The following RAP1GAP2 variants were observed in gnomAD, a reference collection of about 807,000 sequenced individuals.
The protein encoded by RAP1GAP2 is rap1 GTPase-activating protein 2.
A neutral mutation model predicts 95.0 loss-of-function variants in RAP1GAP2; 27 were observed. The observed-to-expected ratio is 0.28, with a 90% CI of 0.21 to 0.39. The LOEUF is 0.39. RAP1GAP2 is among the 10% of genes least tolerant of loss of function. RAP1GAP2 has a pLI of 1.00. For missense variants in RAP1GAP2, 771 were observed against 970.0 expected (o/e 0.79, Z 2.72); for synonymous variants, 373 against 380.9 (o/e 0.98, Z 0.24).
At position 2,932,816 on chromosome 17, in the gene RAP1GAP2, CAAAAAAAGAA is replaced by C. The variant is rs2043196278; in HGVS notation, c.166-24935_166-24926del. Among the ~76,000 whole-genome samples the C allele has an allele frequency of 9.8e-4, 10 of 10,166 alleles. 1 individual carries two copies. The highest frequency in any genetic ancestry group is 1.7e-3 in the African/African-American group (5 of 3,004). 6.7% of individuals were successfully genotyped at this position (10,166 alleles called of 152,430 possible). A position where few individuals can be genotyped will look rare whatever the true frequency, so the allele number is the denominator to read the frequency against. On this transcript the variant is annotated intron_variant, in intron 3 of 24. Coordinates refer to ENST00000254695, the MANE Select transcript of RAP1GAP2 (RefSeq NM_015085.5). Reference sequence around the variant, plus strand: ...CTGGCAGCAGAGCAAGACTCCATCTCAAAAAAAGAAAAAAAAAAAAAAAAAAAGAGCAGGG... The same window carrying C: ...CTGGCAGCAGAGCAAGACTCCATCTCAAAAAAAAAAAAAAAAAGAGCAGGG...
At chr17:2,773,603 A>G (rs951542956), upstream of RAP1GAP2, among the ~76,000 whole-genome samples, 1 of 152,142 alleles carries the variant, frequency 6.6e-6, no homozygotes, top group African/African-American at 2.4e-5. Context: ...GTACCATTCC[A>G]GCAAGCAAGA....
intron 3 of RAP1GAP2, among the ~76,000 whole-genome samples, chr17:2,920,828 C>T (rs917700045): frequency 5.3e-5 from 8 of 152,218 alleles, no homozygotes; most frequent in Non-Finnish European, 7.3e-5. Context: ...CCACTGAGAC[C>T]GGCTCAGCAG....
intron 1 of RAP1GAP2, among the ~76,000 whole-genome samples, chr17:2,798,506 T>A (rs1257899052): frequency 2.0e-5 from 3 of 152,104 alleles, no homozygotes; most frequent in Non-Finnish European, 4.4e-5. Flanking sequence ...GGGATGGCTG[T>A]CAGCTGGGAG....
intron 17 of RAP1GAP2, among the ~76,000 whole-genome samples, chr17:3,010,253 TCA>T (rs2046476520): frequency 7.3e-6 from 1 of 137,858 alleles, no homozygotes; most frequent in African/African-American, 2.8e-5. Flanking sequence ...GGCAGGAGAA[TCA>T]CGTGAACCCG....
chr17:2,942,888 C>T (rs1440397700), intron 3 of RAP1GAP2, among the ~76,000 whole-genome samples: 4 of 152,098 alleles, frequency 2.6e-5, no homozygotes, highest in Non-Finnish European at 4.4e-5. Context: ...CTGCCTTAGC[C>T]TCCTGAGTAG....
At chr17:2,804,992 G>A (rs995828455) in intron 2 of RAP1GAP2, among the ~76,000 whole-genome samples, 3 of 152,154 alleles carry the variant, frequency 2.0e-5, no homozygotes, top group African/African-American at 7.2e-5. Context: ...GATGGTAGGC[G>A]CTCGCTGTTG....
chr17:2,947,717 C>T (rs1036336670), intron 3 of RAP1GAP2, among the ~76,000 whole-genome samples: 4 of 151,898 alleles, frequency 2.6e-5, no homozygotes, highest in Admixed American at 6.6e-5. Flanking sequence ...GGACCGGTAG[C>T]GGAGTCGGGC....
At position 2,796,642 on chromosome 17, in the gene RAP1GAP2, G is replaced by A. The variant is rs746830296; in HGVS notation, c.44+71G>A. On this transcript the variant is annotated intron_variant, in intron 1 of 24. Transcript: ENST00000254695. The surrounding 1 kb of genome is among the most constrained non-coding windows in gnomAD (Gnocchi z 4.7). ...GAAGTGAAGTCTTGTTAAGTGCATT[G>A]GCGGCCGTGGGAACAGAGGGGCTCG... The A allele has an allele frequency of 1.1e-5, 17 of 1,511,966 alleles. No homozygotes were observed. Among genetic ancestry groups the A allele is most frequent in the African/African-American group, 9.7e-5 (7 of 72,234 alleles). The allele number at this position is 1,511,966 out of a possible 1,614,324, so 93.7% of individuals were successfully genotyped here. A position where few individuals can be genotyped will look rare whatever the true frequency, so the allele number is the denominator to read the frequency against.
chr17:2,792,666 C>T (rs1387411243), upstream of RAP1GAP2, among the ~76,000 whole-genome samples: 2 of 152,352 alleles, frequency 1.3e-5, no homozygotes, highest in South Asian at 2.1e-4. Flanking sequence ...GCTGTGGGTT[C>T]TGCAGGGCCG....
intron 3 of RAP1GAP2, among the ~76,000 whole-genome samples, chr17:2,947,057 A>G (rs752893572): frequency 6.6e-5 from 10 of 152,104 alleles, no homozygotes; most frequent in Non-Finnish European, 1.5e-4. Context: ...GCCCGGCCGG[A>G]AACTGTGTTT....
chr17:2,829,807 T>G (rs534983878), intron 2 of RAP1GAP2, among the ~76,000 whole-genome samples: 1 of 142,816 alleles, frequency 7.0e-6, no homozygotes, highest in African/African-American at 2.7e-5. Flanking sequence ...GCCTGGTCTC[T>G]CTCTCTTAAA....
At position 2,981,370 on chromosome 17, in the gene RAP1GAP2, TC is replaced by T. The variant is rs1162214046; in HGVS notation, c.729+124del. 3 of 879,790 alleles carry T rather than the reference TC, an allele frequency of 3.4e-6. No individual in the cohort carries two copies. The East Asian group carries it at 8.2e-5, about 24-fold the overall frequency. 54.5% of individuals were successfully genotyped at this position (879,790 alleles called of 1,614,324 possible). A position where few individuals can be genotyped will look rare whatever the true frequency, so the allele number is the denominator to read the frequency against. On this transcript the variant is annotated intron_variant, in intron 10 of 24. Coordinates refer to ENST00000254695, the MANE Select transcript of RAP1GAP2 (RefSeq NM_015085.5). ...TTTCGTGGGGTCTCCATAATAAGCT[TC>T]CATGTCTCCCTCTCTCCCTGCCCAC...
At chr17:2,976,057 A>G (rs766328794) in intron 8 of RAP1GAP2, among the ~76,000 whole-genome samples, 3 of 152,212 alleles carry the variant, frequency 2.0e-5, no homozygotes, top group African/African-American at 4.8e-5. Context: ...ATTAACTTGT[A>G]CTTAATAACG....
rs373757409 is a variant in RAP1GAP2 at position 2,891,813 on chromosome 17, TC to T, written c.81-13470del. On this transcript the variant is annotated intron_variant, in intron 2 of 24. Transcript: ENST00000254695. Reference sequence around the variant, plus strand: ...ATGATATGCAGATTCATATTTCTTTTCTTTTTTTTTTTTTTTTTTTTTTTTT... The same window carrying T: ...ATGATATGCAGATTCATATTTCTTTTTTTTTTTTTTTTTTTTTTTTTTTTT... Among the ~76,000 whole-genome samples the T allele has an allele frequency of 3.0e-3, 387 of 127,964 alleles. 18 individuals are homozygous for T. The highest frequency in any genetic ancestry group is 5.2e-3 in the Non-Finnish European group (299 of 58,058). The allele number at this position is 127,964 out of a possible 152,430, so 83.9% of individuals were successfully genotyped here. A position where few individuals can be genotyped will look rare whatever the true frequency, so the allele number is the denominator to read the frequency against.
At chr17:2,914,895 G>A (rs1411442002) in intron 3 of RAP1GAP2, among the ~76,000 whole-genome samples, 8 of 137,626 alleles carry the variant, frequency 5.8e-5, no homozygotes, top group African/African-American at 1.4e-4. Context: ...GGGTTCAAAC[G>A]ATTCTCCTGC....
At chr17:2,820,029 C>A (rs974369277) in intron 2 of RAP1GAP2, among the ~76,000 whole-genome samples, 3 of 152,100 alleles carry the variant, frequency 2.0e-5, no homozygotes, top group African/African-American at 4.8e-5. Flanking sequence ...GATTCTCCAA[C>A]CTTGGCCTCC....
In RAP1GAP2 at chr17:2,941,975, A is replaced by G. The variant is rs921701511; in HGVS notation, c.166-15784A>G. 5.9e-5 allele frequency among the ~76,000 whole-genome samples: 9 copies of G among 152,098 alleles called. 1 individual carries two copies. The highest frequency in any genetic ancestry group is 5.9e-4 in the Admixed American group (9 of 15,256). On this transcript the variant is annotated intron_variant, in intron 3 of 24. Coordinates refer to ENST00000254695, the MANE Select transcript of RAP1GAP2 (RefSeq NM_015085.5). The stretch of plus-strand genomic sequence containing the variant: ...TGGGATGACAGGCGTGAGCCACTGC[A>G]TCCAGCCGACTCTCTGGGCTTTGTC...
chr17:2,932,212 C>T (rs1360388782), intron 3 of RAP1GAP2, among the ~76,000 whole-genome samples: 1 of 152,152 alleles, frequency 6.6e-6, no homozygotes, highest in Non-Finnish European at 1.5e-5. Context: ...GGATGGGACG[C>T]TGTGTTTTCC....
Position 2,965,716 on chromosome 17 carries a change from TG to T in RAP1GAP2, c.596+76del. On this transcript the variant is annotated intron_variant, in intron 8 of 24. Coordinates refer to ENST00000254695, the MANE Select transcript of RAP1GAP2 (RefSeq NM_015085.5). The surrounding 1 kb of genome is among the most constrained non-coding windows in gnomAD (Gnocchi z 4.7). ...CTCATCGGTGGTGTGGGGGCTGGGA[TG>T]GGACTCAGAAATACCAGACTGACCA... is the stretch of plus-strand genomic sequence containing the variant. The T allele has an allele frequency of 8.6e-7, 1 of 1,157,182 alleles. No individual in the cohort carries two copies. The highest frequency in any genetic ancestry group is 2.7e-4 in the Middle Eastern group (1 of 3,682). The allele number at this position is 1,157,182 out of a possible 1,614,324, so 71.7% of individuals were successfully genotyped here. A position where few individuals can be genotyped will look rare whatever the true frequency, so the allele number is the denominator to read the frequency against.
Sources: allele counts gnomAD v4.1 joint callset (sites outside exome capture counted in the v4.1 genomes callset), GRCh38; gene constraint gnomAD v4.1.1; non-coding constraint Gnocchi (gnomAD v3.1); transcripts MANE v1.5; gene names NCBI Gene and HGNC (gene_info 2026-07-23, HGNC 2026-07-21).